Variants in ARHGAP26 observed in about 807,000 individuals in gnomAD.
ARHGAP26 encodes the protein Rho GTPase activating protein 26, also known as rho GTPase-activating protein 26.
In ARHGAP26, 38 loss-of-function variants were observed where a neutral mutation model predicts 104.8. That is an observed-to-expected ratio of 0.36 (90% CI 0.28 to 0.48). The LOEUF is 0.48. Among genes scored for constraint, ARHGAP26 ranks in the 20% least tolerant of loss-of-function variants. ARHGAP26 has a pLI of 0.99. For synonymous variants in ARHGAP26, 341 were observed against 340.0 expected, an observed-to-expected ratio of 1.00 and a Z score of -0.03; for missense variants, 704 against 947.9, an observed-to-expected ratio of 0.74 and a Z score of 3.38.
At chr5:142,914,203 CCTT>C (rs1762195275) in intron 10 of ARHGAP26, among the ~76,000 whole-genome samples, 1 of 152,246 alleles carries the variant, frequency 6.6e-6, no homozygotes, top group Non-Finnish European at 1.5e-5. Flanking sequence ...GGTTGCACTG[CCTT>C]CTTCTGGCAG....
intron 18 of ARHGAP26, among the ~76,000 whole-genome samples, chr5:143,128,300 A>G (rs1796946696): frequency 1.3e-5 from 2 of 152,170 alleles, no homozygotes; most frequent in South Asian, 4.1e-4. Context: ...TAATCTATCC[A>G]TCTTTGTCAG....
At chr5:142,945,394 A>G (rs147412531) in intron 11 of ARHGAP26, among the ~76,000 whole-genome samples, 2 of 152,252 alleles carry the variant, frequency 1.3e-5, no homozygotes, top group South Asian at 2.1e-4. Flanking sequence ...GCTACACACA[A>G]TTTTATATTT....
At chr5:142,958,624 A>C (rs1417951726) in intron 11 of ARHGAP26, among the ~76,000 whole-genome samples, 1 of 152,326 alleles carries the variant, frequency 6.6e-6, no homozygotes, top group African/African-American at 2.4e-5. Flanking sequence ...CTGTGATCGC[A>C]CCACTGCACT....
intron 21 of ARHGAP26, among the ~76,000 whole-genome samples, chr5:143,212,354 GA>G (rs201236164): frequency 0.23 from 31,229 of 135,630 alleles, 3,815 homozygotes; most frequent in East Asian, 0.42. Flanking sequence ...AGCCTCTCAA[GA>G]AAAAAAAAAA....
intron 11 of ARHGAP26, among the ~76,000 whole-genome samples, chr5:142,997,357 A>C (rs1210400311): frequency 1.3e-5 from 2 of 151,930 alleles, no homozygotes; most frequent in African/African-American, 2.4e-5. Flanking sequence ...GCCCTACTCT[A>C]CCTTCTTGTT....
At chr5:143,000,679 A>G (rs1213561673) in intron 11 of ARHGAP26, among the ~76,000 whole-genome samples, 1 of 152,256 alleles carries the variant, frequency 6.6e-6, no homozygotes, top group Non-Finnish European at 1.5e-5. Context: ...CATATACACC[A>G]TGGAATACTA....
chr5:142,802,444 T>C (rs1762250477), intron 1 of ARHGAP26, among the ~76,000 whole-genome samples: 1 of 152,204 alleles, frequency 6.6e-6, no homozygotes, highest in South Asian at 2.1e-4. Flanking sequence ...TCTTGGAAAC[T>C]GTGGCTTTAA....
chr5:142,954,189 A>G (rs1598377226), intron 11 of ARHGAP26, among the ~76,000 whole-genome samples: 1 of 152,166 alleles, frequency 6.6e-6, no homozygotes, highest in East Asian at 1.9e-4. Flanking sequence ...TGTTTATCTC[A>G]TTCTTTCCAT....
intron 11 of ARHGAP26, among the ~76,000 whole-genome samples, chr5:142,989,867 C>G (rs562414431): frequency 6.6e-6 from 1 of 152,168 alleles, no homozygotes; most frequent in African/African-American, 2.4e-5. Flanking sequence ...CCCGACCTTT[C>G]TCTCTGGCTG....
chr5:143,213,001 C>A (rs1809753147), intron 21 of ARHGAP26, among the ~76,000 whole-genome samples: 1 of 152,090 alleles, frequency 6.6e-6, no homozygotes, highest in Admixed American at 6.5e-5. Flanking sequence ...ATAAATTAGC[C>A]AGGCTTGGTA....
rs1170454187 is a variant in ARHGAP26 at position 142,871,947 on chromosome 5, T to C, written c.155-1453T>C. On this transcript the variant is annotated intron_variant, in intron 1 of 22. Transcript: ENST00000645722. The surrounding 1 kb of genome is among the most constrained non-coding windows in gnomAD (Gnocchi z 4.1). ...GCGCTTTGGACAAACCGCAGCTATC[T>C]CGGGACCGTGTCATCACAGCGTGTG... Among the ~76,000 whole-genome samples the C allele has an allele frequency of 6.6e-6, 1 of 152,192 alleles. No individual in the cohort carries two copies. The highest frequency in any genetic ancestry group is 1.5e-5 in the Non-Finnish European group (1 of 68,038).
chr5:142,800,056 C>T (rs781513435), intron 1 of ARHGAP26, among the ~76,000 whole-genome samples: 8 of 152,212 alleles, frequency 5.3e-5, no homozygotes, highest in Non-Finnish European at 1.2e-4. Flanking sequence ...ACCTTCTTAT[C>T]CTTGAATGCA....
At chr5:142,849,491 G>C (rs1260873282) in intron 1 of ARHGAP26, among the ~76,000 whole-genome samples, 1 of 152,132 alleles carries the variant, frequency 6.6e-6, no homozygotes, top group East Asian at 1.9e-4. Context: ...CTCCTCCATT[G>C]ACAGTGTGCT....
At position 143,043,089 on chromosome 5, in the gene ARHGAP26, C is replaced by G. The variant is rs568390859; in HGVS notation, c.1285+1199C>G. Among the ~76,000 whole-genome samples, 11 of 152,302 alleles carry G rather than the reference C, an allele frequency of 7.2e-5. No individual in the cohort carries two copies. In the South Asian group the frequency reaches 2.3e-3, roughly 32 times the overall value. ...TCTAAAGGTAACATCTTGCAAAACA[C>G]AATTTTAATATCACAACCAAAATAT... On this transcript the variant is annotated intron_variant, in intron 14 of 22. Transcript: ENST00000645722.
At chr5:143,168,389 C>CCCTA (rs1802304500) in intron 20 of ARHGAP26, among the ~76,000 whole-genome samples, 1 of 144,358 alleles carries the variant, frequency 6.9e-6, no homozygotes, top group South Asian at 2.2e-4. Context: ...CTGAGACGTT[C>CCCTA]CCTATTTTCA....
intron 1 of ARHGAP26, among the ~76,000 whole-genome samples, chr5:142,868,644 G>A (rs1315202662): frequency 2.0e-5 from 3 of 152,170 alleles, no homozygotes; most frequent in Non-Finnish European, 2.9e-5. Context: ...TGACTTGTGC[G>A]GCAGGGTGAA....
chr5:142,995,865 A>T (rs1382798701), intron 11 of ARHGAP26, among the ~76,000 whole-genome samples: 2 of 152,210 alleles, frequency 1.3e-5, no homozygotes, highest in Non-Finnish European at 2.9e-5. Flanking sequence ...CTTTGTAGGG[A>T]CATGGTTGAA....
chr5:142,953,977 G>A (rs1768804585), intron 11 of ARHGAP26, among the ~76,000 whole-genome samples: 1 of 152,284 alleles, frequency 6.6e-6, no homozygotes, highest in South Asian at 2.1e-4. Flanking sequence ...TAATTTTCTT[G>A]TCTCCTTTGG....
At position 142,846,850 on chromosome 5, in the gene ARHGAP26, T is replaced by C. The variant is rs1488020224; in HGVS notation, c.155-26550T>C. Among the ~76,000 whole-genome samples the C allele has an allele frequency of 2.6e-5, 4 of 152,236 alleles. No individual in the cohort carries two copies. In the East Asian group the frequency reaches 7.7e-4, roughly 29 times the overall value. On this transcript the variant is annotated intron_variant, in intron 1 of 22. Coordinates refer to ENST00000645722, the MANE Select transcript of ARHGAP26 (RefSeq NM_001135608.3). ...GATTAGTATGCTTAAAGCATACATG[T>C]ATGTGAATAACTCTCCCTTAAAGGA... is the stretch of plus-strand genomic sequence containing the variant.
Sources: gnomAD v4.1 joint callset for allele counts (sites outside exome capture counted in the v4.1 genomes callset) on GRCh38, gnomAD v4.1.1 for gene constraint, Gnocchi (gnomAD v3.1) non-coding constraint, MANE v1.5 for transcripts, NCBI Gene and HGNC (gene_info 2026-07-23, HGNC 2026-07-21) for gene names.